KLHL4: variants seen among roughly 807,000 people sequenced by gnomAD.
KLHL4 encodes the protein kelch-like protein 4.
In KLHL4, 17 loss-of-function variants were observed where a neutral mutation model predicts 45.8. That is an observed-to-expected ratio of 0.37 (90% CI 0.25 to 0.56). The LOEUF is 0.56. Among genes scored for constraint, KLHL4 ranks in the 20% least tolerant of loss-of-function variants. The pLI, the probability that KLHL4 is intolerant of heterozygous loss-of-function variation, is 0.79. For missense variants in KLHL4, 544 were observed against 544.9 expected, an observed-to-expected ratio of 1.00 and a Z score of 0.02; for synonymous variants, 224 against 189.9, an observed-to-expected ratio of 1.18 and a Z score of -1.47.
chrX:87,530,220 T>A (rs1240005816), intron 1 of KLHL4, among the ~76,000 whole-genome samples: 1 of 111,068 alleles, frequency 9.0e-6, no homozygotes, highest in Non-Finnish European at 1.9e-5. Context: ...TGAATGGTAA[T>A]GCCTAGGTTT....
chrX:87,530,545 T>A (rs1219946435), intron 1 of KLHL4, among the ~76,000 whole-genome samples: 1 of 102,674 alleles, frequency 9.7e-6, no homozygotes, highest in Non-Finnish European at 2.0e-5. Context: ...CTTGCGATAG[T>A]TTACTGAGAA....
intron 9 of KLHL4, among the ~76,000 whole-genome samples, 170 bp from the exon 10 acceptor site, chrX:87,664,594 A>G (rs1924303129): frequency 8.9e-6 from 1 of 112,125 alleles, no homozygotes; most frequent in Non-Finnish European, 1.9e-5. Context: ...TAGTGGCTGA[A>G]GGTAATTTTG....
At chrX:87,578,532 C>T (rs1048267149) in intron 1 of KLHL4, among the ~76,000 whole-genome samples, 3 of 111,934 alleles carry the variant, frequency 2.7e-5, no homozygotes, top group African/African-American at 9.7e-5. Flanking sequence ...TATGAGAAGA[C>T]CATAATTTAG....
chrX:87,654,927 G>A (rs1172176978), intron 9 of KLHL4, among the ~76,000 whole-genome samples: 2 of 110,670 alleles, frequency 1.8e-5, no homozygotes, highest in African/African-American at 6.6e-5. Context: ...TATGCTTTTT[G>A]GCCATTTATA....
chrX:87,518,364 A>G (rs774439055), intron 1 of KLHL4, 49 bp downstream of exon 1: 8 of 957,125 alleles, frequency 8.4e-6, no homozygotes, highest in Non-Finnish European at 2.9e-6. Context: ...CAGTTAACTT[A>G]TCCTCTACAA....
chrX:87,528,016 C>T (rs1450690715), intron 1 of KLHL4, among the ~76,000 whole-genome samples: 2 of 110,746 alleles, frequency 1.8e-5, no homozygotes, highest in Non-Finnish European at 3.8e-5. Flanking sequence ...AAGACCTAGG[C>T]ATCCAAAGCC....
chrX:87,598,271 T>A (rs768388345), intron 1 of KLHL4, among the ~76,000 whole-genome samples: 2 of 111,204 alleles, frequency 1.8e-5, no homozygotes, highest in Admixed American at 1.9e-4. Flanking sequence ...CTGTATGTGG[T>A]ATTTCCCTTT....
At chrX:87,593,781 T>G (rs750764865) in intron 1 of KLHL4, among the ~76,000 whole-genome samples, 1 of 111,587 alleles carries the variant, frequency 9.0e-6, no homozygotes, top group Non-Finnish European at 1.9e-5. Context: ...CCAAAATTAA[T>G]GTTCACATTG....
At chrX:87,535,471 C>A (rs1408681434) in intron 1 of KLHL4, among the ~76,000 whole-genome samples, 1 of 111,913 alleles carries the variant, frequency 8.9e-6, no homozygotes, top group Non-Finnish European at 1.9e-5. Flanking sequence ...ATTTTACAAA[C>A]CTTAGTATCC....
At chrX:87,527,518 A>C (rs1931136701) in intron 1 of KLHL4, among the ~76,000 whole-genome samples, 1 of 111,521 alleles carries the variant, frequency 9.0e-6, no homozygotes, top group South Asian at 3.8e-4. Context: ...TTGGACCTGC[A>C]CAGCAGAGAA....
intron 9 of KLHL4, among the ~76,000 whole-genome samples, chrX:87,645,550 G>T (rs1330134267): frequency 1.8e-5 from 2 of 111,446 alleles, no homozygotes; most frequent in Admixed American, 1.9e-4. Flanking sequence ...CTACTACTGG[G>T]CATCTACCCA....
At chrX:87,650,688 G>GT (rs892450862) in intron 9 of KLHL4, among the ~76,000 whole-genome samples, 3 of 111,436 alleles carry the variant, frequency 2.7e-5, no homozygotes, top group Non-Finnish European at 3.8e-5. Context: ...TCTGGTGAGG[G>GT]TTTTTTATAG....
chrX:87,519,835 C>A (rs981942118), intron 1 of KLHL4, among the ~76,000 whole-genome samples: 3 of 111,786 alleles, frequency 2.7e-5, no homozygotes, highest in African/African-American at 9.7e-5. Flanking sequence ...CCAACTGTAA[C>A]TTTGGAACAA....
At chrX:87,654,599 C>T (rs1024155729) in intron 9 of KLHL4, among the ~76,000 whole-genome samples, 2 of 111,540 alleles carry the variant, frequency 1.8e-5, no homozygotes, top group Non-Finnish European at 3.8e-5. Flanking sequence ...TAGTGCTGCA[C>T]TAAACCTATA....
chrX:87,642,798 A>G (rs940654548), intron 9 of KLHL4, among the ~76,000 whole-genome samples: 4 of 112,427 alleles, frequency 3.6e-5, no homozygotes, highest in African/African-American at 9.7e-5. Flanking sequence ...TAAAAGAAAG[A>G]AATGTAGAGC....
At chrX:87,598,758 C>T (rs1921918255) in intron 1 of KLHL4, among the ~76,000 whole-genome samples, 1 of 110,790 alleles carries the variant, frequency 9.0e-6, no homozygotes, top group South Asian at 3.7e-4. Flanking sequence ...TTTAAATTTT[C>T]CCTGTTATAA....
intron 1 of KLHL4, among the ~76,000 whole-genome samples, chrX:87,555,435 T>G (rs1196738010): frequency 1.8e-5 from 2 of 111,253 alleles, no homozygotes; most frequent in Non-Finnish European, 3.8e-5. Context: ...CTTCTTCCTG[T>G]TTTAGTCTTG....
chrX:87,557,985 C>A (rs756834704), intron 1 of KLHL4, among the ~76,000 whole-genome samples: 4 of 111,208 alleles, frequency 3.6e-5, no homozygotes, highest in South Asian at 3.8e-4. Flanking sequence ...CCTCTAAAAG[C>A]CTAGGAAATC....
Position 87,669,293 on chromosome X carries a change from T to C in KLHL4, c.*2759T>C. 8.3e-7 allele frequency: 1 copy of C among 1,207,180 alleles called. No homozygotes were observed. ...CTCTCAGCATGCATCATGATGATTCTCTAACACTGTCTGTCACCTTCCTGT... is the reference window on the plus strand; with the variant it reads ...CTCTCAGCATGCATCATGATGATTCCCTAACACTGTCTGTCACCTTCCTGT... On this transcript the variant is annotated 3_prime_UTR_variant, in exon 11 of 11. Transcript: ENST00000373119.
Sources: allele counts gnomAD v4.1 joint callset (sites outside exome capture counted in the v4.1 genomes callset), GRCh38; gene constraint gnomAD v4.1.1; transcripts MANE v1.5; gene names NCBI Gene and HGNC (gene_info 2026-07-23, HGNC 2026-07-21).